Variants in ZNF705G observed in about 807,000 individuals in gnomAD.
ZNF705G encodes putative zinc finger protein 705G.
In ZNF705G, 23 loss-of-function variants were observed where a neutral mutation model predicts 19.6. The observed-to-expected ratio is 1.17, with a 90% CI of 0.84 to 1.66. The LOEUF is 1.66. Among genes scored for constraint, ZNF705G ranks in the 40% most tolerant of loss-of-function variants. The pLI is 0.00. For synonymous variants in ZNF705G, 146 were observed against 117.7 expected (o/e 1.24, Z -1.56); for missense variants, 457 against 354.4 (o/e 1.29, Z -2.32).
chr8:7,360,642 C>T (rs1806532012), intron 4 of ZNF705G, among the ~76,000 whole-genome samples: 1 of 149,410 alleles, frequency 6.7e-6, no homozygotes, highest in Non-Finnish European at 1.5e-5. Context: ...AATTATATCT[C>T]TGCACAGTGT....
intron 2 of ZNF705G, among the ~76,000 whole-genome samples, chr8:7,363,662 A>C (rs553799395): frequency 6.7e-6 from 1 of 149,480 alleles, no homozygotes; most frequent in South Asian, 2.1e-4. Flanking sequence ...CTGTAGTAAA[A>C]ATACAAAAAT....
chr8:7,379,616 C>T (rs941266450), intron 2 of ZNF705G, among the ~76,000 whole-genome samples: 2 of 147,120 alleles, frequency 1.4e-5, no homozygotes, highest in African/African-American at 5.5e-5. Flanking sequence ...AGCAGCTGCC[C>T]AGCCAGAATC....
intron 2 of ZNF705G, among the ~76,000 whole-genome samples, chr8:7,365,873 A>G (rs1168726027): frequency 6.7e-6 from 1 of 149,588 alleles, no homozygotes; most frequent in Non-Finnish European, 1.5e-5. Flanking sequence ...TCTCCAACAG[A>G]TCTTCAGTAA....
Position 7,383,827 on chromosome 8 carries a change from C to T in ZNF705G, c.-222+1671G>A, listed in dbSNP as rs574525168. On this transcript the variant is annotated intron_variant, in intron 1 of 6. Coordinates refer to ENST00000400156, the MANE Select transcript of ZNF705G (RefSeq NM_001164457.3). Reference sequence around the variant, plus strand: ...TGTCTTGATCTTGGACTTCCAACCTCGAGAACTGTGAGAAGTAAACTTCTG... The same window carrying T: ...TGTCTTGATCTTGGACTTCCAACCTTGAGAACTGTGAGAAGTAAACTTCTG... Among the ~76,000 whole-genome samples, 189 of 147,020 alleles carry T rather than the reference C, an allele frequency of 1.3e-3. 2 individuals carry two copies. Among genetic ancestry groups the T allele is most frequent in the Non-Finnish European group, 1.5e-3 (104 of 67,914 alleles).
chr8:7,362,587 T>C (rs1806652970), intron 3 of ZNF705G, among the ~76,000 whole-genome samples: 1 of 149,702 alleles, frequency 6.7e-6, no homozygotes, highest in East Asian at 1.9e-4. Context: ...GATTATAGGA[T>C]GGATAGAAGA....
At chr8:7,368,086 C>T (rs1319247860) in intron 2 of ZNF705G, among the ~76,000 whole-genome samples, 1 of 149,348 alleles carries the variant, frequency 6.7e-6, no homozygotes, top group Admixed American at 6.6e-5. Flanking sequence ...ATTGGCTTCC[C>T]CTTATATATG....
At chr8:7,365,375 ATTTTTTTTTTTT>A (rs71253679) in intron 2 of ZNF705G, among the ~76,000 whole-genome samples, 10 of 112,056 alleles carry the variant, frequency 8.9e-5, no homozygotes, top group Non-Finnish European at 1.7e-4. Flanking sequence ...GTCTCTCTCT[ATTTTTTTTTTTT>A]TTTTTTTTTT....
At chr8:7,359,552 A>G (rs566901498) in intron 6 of ZNF705G, 67 bp downstream of exon 6, 20 of 1,594,538 alleles carry the variant, frequency 1.3e-5, no homozygotes, top group South Asian at 1.2e-4. Context: ...ATTGTGCTTC[A>G]TTACTAACTT....
chr8:7,370,187 C>G (rs1386514037), intron 2 of ZNF705G, among the ~76,000 whole-genome samples: 1 of 147,694 alleles, frequency 6.8e-6, no homozygotes, highest in Non-Finnish European at 1.5e-5. Context: ...AGGAGAATGA[C>G]GTGAACCTAG....
intron 2 of ZNF705G, among the ~76,000 whole-genome samples, chr8:7,368,993 T>A (rs920097858): frequency 6.7e-6 from 1 of 149,620 alleles, no homozygotes; most frequent in Non-Finnish European, 1.5e-5. Flanking sequence ...GGACTTACAG[T>A]TCCACATGGC....
chr8:7,357,962 C>T lies in ZNF705G; in HGVS notation c.*14G>A, dbSNP rs11779457. 0.16 allele frequency: 246,256 copies of T among 1,520,348 alleles called. 11,848 individuals carry two copies. Among genetic ancestry groups the T allele is most frequent in the South Asian group, 0.22 (19,005 of 87,952 alleles). The allele number at this position is 1,520,348 out of a possible 1,614,324, so 94.2% of individuals were successfully genotyped here. A position where few individuals can be genotyped will look rare whatever the true frequency, so the allele number is the denominator to read the frequency against. ...GCATTCATATGGCTTTTCTCCAGTG[C>T]GTGTTCTCTCATGTCATCTAAGGTT... is the stretch of plus-strand genomic sequence containing the variant. On this transcript the variant is annotated 3_prime_UTR_variant, in exon 7 of 7. Coordinates refer to ENST00000400156, the MANE Select transcript of ZNF705G (RefSeq NM_001164457.3).
At chr8:7,383,031 T>G (rs1469685348) in intron 1 of ZNF705G, among the ~76,000 whole-genome samples, 2 of 148,364 alleles carry the variant, frequency 1.3e-5, no homozygotes, top group African/African-American at 5.3e-5. Context: ...GAGCACTTGG[T>G]TTTTTGGAAA....
At chr8:7,383,125 A>ATTTTTAT (rs1563304591) in intron 1 of ZNF705G, among the ~76,000 whole-genome samples, 1 of 125,800 alleles carries the variant, frequency 7.9e-6, no homozygotes. Context: ...TCAATGTTTG[A>ATTTTTAT]TTTTTTTTTT....
chr8:7,379,478 G>T (rs556416603), intron 2 of ZNF705G, among the ~76,000 whole-genome samples: 1 of 146,324 alleles, frequency 6.8e-6, no homozygotes, highest in East Asian at 1.9e-4. Context: ...ACCAGGCACT[G>T]TGTCCTCCCA....
intron 2 of ZNF705G, among the ~76,000 whole-genome samples, chr8:7,380,993 C>T (rs551093305): frequency 1.1e-4 from 11 of 96,018 alleles, no homozygotes; most frequent in African/African-American, 6.2e-4. Flanking sequence ...TGCAGCCTGG[C>T]CTACAGAGCT....
chr8:7,367,706 T>A (rs1362042726), intron 2 of ZNF705G, among the ~76,000 whole-genome samples: 2 of 149,604 alleles, frequency 1.3e-5, no homozygotes, highest in Non-Finnish European at 2.9e-5. Context: ...AATTTTCCTC[T>A]CCTTCCTGTT....
chr8:7,383,085 A>G (rs1411731119), intron 1 of ZNF705G, among the ~76,000 whole-genome samples: 2 of 148,148 alleles, frequency 1.3e-5, no homozygotes, highest in Non-Finnish European at 2.9e-5. Flanking sequence ...AATTCTGTAA[A>G]TGGAAATTAC....
At chr8:7,378,811 C>T (rs1374960043) in intron 2 of ZNF705G, among the ~76,000 whole-genome samples, 1 of 146,578 alleles carries the variant, frequency 6.8e-6, no homozygotes, top group Non-Finnish European at 1.5e-5. Flanking sequence ...AAGATAATCT[C>T]CCTATTTTAA....
chr8:7,368,628 G>A (rs1287308021), intron 2 of ZNF705G, among the ~76,000 whole-genome samples: 1 of 149,908 alleles, frequency 6.7e-6, no homozygotes, highest in Non-Finnish European at 1.5e-5. Context: ...AAGGAAAGCA[G>A]ATGCTAATAG....
Sources: gnomAD v4.1 joint callset for allele counts (sites outside exome capture counted in the v4.1 genomes callset) on GRCh38, gnomAD v4.1.1 for gene constraint, MANE v1.5 for transcripts, NCBI Gene and HGNC (gene_info 2026-07-23, HGNC 2026-07-21) for gene names.